CREB5: variants seen among roughly 807,000 people sequenced by gnomAD.
CREB5 encodes cyclic AMP-responsive element-binding protein 5.
In CREB5, 19 loss-of-function variants were observed where a neutral mutation model predicts 57.1. The observed-to-expected ratio is 0.33, with a 90% CI of 0.23 to 0.49. The LOEUF (loss-of-function observed/expected upper bound fraction) is 0.49. Among genes scored for constraint, CREB5 ranks in the 20% least tolerant of loss-of-function variants. CREB5 has a pLI of 0.99. For missense variants in CREB5, 579 were observed against 671.6 expected (o/e 0.86, Z 1.52); for synonymous variants, 238 against 238.3 (o/e 1.00, Z 0.01).
At position 28,391,274 on chromosome 7, in the gene CREB5, C is replaced by T. The variant is rs540104239; in HGVS notation, c.-25+91833C>T. On this transcript the variant is annotated intron_variant, in intron 1 of 9. Coordinates refer to the CREB5 transcript ENST00000396299. Reference sequence around the variant, plus strand: ...TAATCACACCTCTCTTAACGGGTGGCGTGCTGATCAAATAAGTTCAAATAT... The same window carrying T: ...TAATCACACCTCTCTTAACGGGTGGTGTGCTGATCAAATAAGTTCAAATAT... Among the ~76,000 whole-genome samples, 11 of 152,262 alleles carry T rather than the reference C, an allele frequency of 7.2e-5. No individual in the cohort carries two copies. The East Asian group carries it at 9.7e-4, about 13-fold the overall frequency.
intron 5 of CREB5, among the ~76,000 whole-genome samples, chr7:28,696,229 A>G (rs990082341): frequency 1.3e-5 from 2 of 151,790 alleles, no homozygotes; most frequent in Non-Finnish European, 2.9e-5. Context: ...GTTTCTAACT[A>G]ATTAATGATT....
At chr7:28,588,417 T>C (rs1796377724) in intron 5 of CREB5, among the ~76,000 whole-genome samples, 1 of 152,182 alleles carries the variant, frequency 6.6e-6, no homozygotes, top group Non-Finnish European at 1.5e-5. Context: ...ACGCCCAGCA[T>C]GTTATCTAGT....
intron 1 of CREB5, among the ~76,000 whole-genome samples, chr7:28,428,899 A>T (rs1005068256): frequency 1.3e-5 from 2 of 152,188 alleles, no homozygotes; most frequent in African/African-American, 4.8e-5. Context: ...GGGCCTTGGC[A>T]TATGCTGCCC....
At chr7:28,406,480 G>T (rs1787582064) in intron 1 of CREB5, among the ~76,000 whole-genome samples, 1 of 152,224 alleles carries the variant, frequency 6.6e-6, no homozygotes, top group African/African-American at 2.4e-5. Context: ...GAGGGAAATG[G>T]GATGAGCATC....
intron 5 of CREB5, among the ~76,000 whole-genome samples, chr7:28,655,156 G>GC (rs1462946952): frequency 2.6e-5 from 4 of 152,138 alleles, no homozygotes; most frequent in African/African-American, 9.7e-5. Flanking sequence ...GCCTGTGTCA[G>GC]CCCCCCAAAG....
chr7:28,533,254 G>T (rs1025053268), intron 4 of CREB5, among the ~76,000 whole-genome samples: 2 of 152,164 alleles, frequency 1.3e-5, no homozygotes, highest in Admixed American at 6.5e-5. Context: ...GGAAGTCAAA[G>T]CTTGTGTAAC....
intron 2 of CREB5, among the ~76,000 whole-genome samples, chr7:28,491,509 G>T (rs144948252): frequency 1.4e-3 from 209 of 152,310 alleles, no homozygotes; most frequent in Middle Eastern, 3.4e-3. Context: ...TGAGGAAATG[G>T]TTGGACAGAC....
At chr7:28,534,387 C>T (rs1426031910) in intron 4 of CREB5, among the ~76,000 whole-genome samples, 1 of 152,238 alleles carries the variant, frequency 6.6e-6, no homozygotes, top group East Asian at 1.9e-4. Flanking sequence ...TCCAGCTCAG[C>T]CCCTCCCTCT....
chr7:28,663,169 G>A (rs1583500920), intron 5 of CREB5, among the ~76,000 whole-genome samples: 2 of 150,880 alleles, frequency 1.3e-5, no homozygotes, highest in Non-Finnish European at 3.0e-5. Context: ...AGATCGAAAT[G>A]TTCCTCATAC....
Position 28,809,232 on chromosome 7 carries a change from C to T in CREB5, c.1072C>T (p.Pro358Ser), listed in dbSNP as rs953041858. The T allele has an allele frequency of 3.7e-6, 6 of 1,614,032 alleles. No homozygotes were observed. The highest frequency in any genetic ancestry group is 5.1e-6 in the Non-Finnish European group (6 of 1,179,978). Reference sequence around the variant, plus strand: ...GATGCAGCCAACCCAGACAATACAGCCACCCCAGCCCACAGGGGGGCGCCG... The same window carrying T: ...GATGCAGCCAACCCAGACAATACAGTCACCCCAGCCCACAGGGGGGCGCCG... The part of the protein sequence containing the change: ...QQMQPTQTIQ[P>S]PQPTGGRRRR... Residue 358 changes from proline (P) to serine (S), a missense_variant, in exon 9 of 11, where the codon CCA becomes TCA. By Grantham distance (74) the Pro-to-Ser change is moderately conservative. Coordinates refer to ENST00000357727, the MANE Select transcript of CREB5 (RefSeq NM_182898.4).
At chr7:28,416,777 T>G (rs1045156975) in intron 1 of CREB5, among the ~76,000 whole-genome samples, 1 of 152,234 alleles carries the variant, frequency 6.6e-6, no homozygotes, top group Admixed American at 6.5e-5. Flanking sequence ...TCTTTGTCTA[T>G]TCTCTGCATT....
At chr7:28,553,311 C>G (rs1050035790) in intron 4 of CREB5, among the ~76,000 whole-genome samples, 1 of 152,132 alleles carries the variant, frequency 6.6e-6, no homozygotes, top group African/African-American at 2.4e-5. Flanking sequence ...TATGAAAGAG[C>G]CTTTCATGGA....
chr7:28,428,095 C>T (rs749077633), intron 1 of CREB5, among the ~76,000 whole-genome samples: 5 of 152,084 alleles, frequency 3.3e-5, no homozygotes, highest in Admixed American at 1.3e-4. Context: ...AGGAGAGCCA[C>T]CAGGGAAGGG....
intron 4 of CREB5, among the ~76,000 whole-genome samples, chr7:28,540,568 T>C (rs1240601533): frequency 1.3e-5 from 2 of 152,230 alleles, no homozygotes; most frequent in East Asian, 3.9e-4. Flanking sequence ...AAATGAATTC[T>C]TCTATACCAT....
chr7:28,698,371 A>AAAAAAAAC (rs771303516), intron 5 of CREB5, among the ~76,000 whole-genome samples: 1 of 143,886 alleles, frequency 6.9e-6, no homozygotes. Context: ...AAAAAAAAAA[A>AAAAAAAAC]CACACTCACA....
At chr7:28,567,740 G>A (rs988860974) in intron 4 of CREB5, among the ~76,000 whole-genome samples, 1 of 152,200 alleles carries the variant, frequency 6.6e-6, no homozygotes, top group African/African-American at 2.4e-5. Context: ...TACAAGGCCC[G>A]ATGCTGGAAT....
At position 28,332,506 on chromosome 7, in the gene CREB5, G is replaced by T. The variant is rs1785735612; in HGVS notation, c.-25+33065G>T. 2.0e-5 allele frequency among the ~76,000 whole-genome samples: 3 copies of T among 152,142 alleles called. No individual in the cohort carries two copies. In the South Asian group the frequency reaches 6.2e-4, roughly 32 times the overall value. On this transcript the variant is annotated intron_variant, in intron 1 of 9. Coordinates refer to the CREB5 transcript ENST00000396299. The stretch of plus-strand genomic sequence containing the variant: ...GTGGTAGAAACAGTAAGTGGGAAGT[G>T]ACTCTAAGCTTGCTGCCTCCCCTGC...
chr7:28,588,457 A>G (rs987043588), intron 5 of CREB5, among the ~76,000 whole-genome samples: 2 of 152,208 alleles, frequency 1.3e-5, no homozygotes, highest in African/African-American at 4.8e-5. Context: ...GTAAGTATGC[A>G]TACACATATG....
At chr7:28,468,191 A>G (rs886375137) in intron 1 of CREB5, among the ~76,000 whole-genome samples, 1 of 152,124 alleles carries the variant, frequency 6.6e-6, no homozygotes, top group Non-Finnish European at 1.5e-5. Flanking sequence ...CATTTCTGGG[A>G]TGGAGTTTAC....
Sources: allele counts gnomAD v4.1 joint callset (sites outside exome capture counted in the v4.1 genomes callset), GRCh38; gene constraint gnomAD v4.1.1; transcripts MANE v1.5; gene names NCBI Gene and HGNC (gene_info 2026-07-23, HGNC 2026-07-21).